ELP4: variants seen among roughly 807,000 people sequenced by gnomAD.
ELP4 encodes the protein elongator complex protein 4.
Under a neutral mutation model 48.9 loss-of-function variants are expected in ELP4, and 51 were observed. The ratio of observed to expected loss-of-function variants is 1.04; its 90% CI spans 0.83 to 1.32. ELP4 has a LOEUF of 1.32. Ranked by LOEUF, ELP4 falls within the 40% of genes most tolerant of loss-of-function variation. The pLI, the probability that ELP4 is intolerant of heterozygous loss-of-function variation, is 0.00. For missense variants in ELP4, 519 were observed against 514.6 expected (o/e 1.01, Z -0.08); for synonymous variants, 210 against 189.2 (o/e 1.11, Z -0.90).
At chr11:31,606,097 G>T (rs755223603) in intron 5 of ELP4, among the ~76,000 whole-genome samples, 8 of 151,930 alleles carry the variant, frequency 5.3e-5, no homozygotes, top group Non-Finnish European at 8.8e-5. Flanking sequence ...TAGCAGTTTC[G>T]CACAGAATAG....
chr11:31,697,850 TGAA>T (rs1179376177), intron 9 of ELP4, among the ~76,000 whole-genome samples: 1 of 152,034 alleles, frequency 6.6e-6, no homozygotes, highest in Non-Finnish European at 1.5e-5. Context: ...ATGTAAGAGA[TGAA>T]GAAGAGAATT....
intron 9 of ELP4, among the ~76,000 whole-genome samples, chr11:31,706,447 A>G (rs1946634327): frequency 6.7e-6 from 1 of 148,736 alleles, no homozygotes; most frequent in South Asian, 2.1e-4. Context: ...CCTAGTCTAT[A>G]TAGTGAGACC....
At chr11:31,566,548 G>T (rs905939344) in intron 3 of ELP4, among the ~76,000 whole-genome samples, 1 of 152,004 alleles carries the variant, frequency 6.6e-6, no homozygotes, top group East Asian at 1.9e-4. Flanking sequence ...ATAGGTCTTC[G>T]CTGGTTAACT....
intron 7 of ELP4, among the ~76,000 whole-genome samples, chr11:31,644,523 A>G (rs1021871623): frequency 3.3e-5 from 5 of 151,770 alleles, no homozygotes; most frequent in Non-Finnish European, 7.4e-5. Context: ...CATTATGCTA[A>G]AGCTTTCTGA....
rs140767024 is a variant in ELP4 at position 31,740,919 on chromosome 11, C to T, written c.1144-42474C>T. 2.6e-5 allele frequency among the ~76,000 whole-genome samples: 4 copies of T among 152,316 alleles called. 1 individual carries two copies. Among genetic ancestry groups the T allele is most frequent in the African/African-American group, 2.4e-5 (1 of 41,562 alleles). On this transcript the variant is annotated intron_variant, in intron 9 of 9. Transcript: ENST00000640961. ...AGGACAGTGGGTGCAGCGCACCGTG[C>T]GTGAGCCGAAGCAGGGCGAGGCATC...
At chr11:31,538,253 T>C (rs1956535002) in intron 2 of ELP4, among the ~76,000 whole-genome samples, 1 of 148,984 alleles carries the variant, frequency 6.7e-6, no homozygotes, top group African/African-American at 2.4e-5. Context: ...TGATATATAT[T>C]ACTATATAAA....
intron 9 of ELP4, among the ~76,000 whole-genome samples, chr11:31,754,748 T>A (rs1022836500): frequency 2.6e-5 from 4 of 152,128 alleles, no homozygotes; most frequent in Non-Finnish European, 5.9e-5. Flanking sequence ...GGCGGGCACC[T>A]GTAATCCCAG....
intron 9 of ELP4, among the ~76,000 whole-genome samples, chr11:31,714,160 A>G (rs1228568256): frequency 6.6e-6 from 1 of 152,168 alleles, no homozygotes. Context: ...GGGATTTCAG[A>G]GCCAGGCAAT....
chr11:31,674,467 T>C (rs1218560859), intron 9 of ELP4, among the ~76,000 whole-genome samples: 1 of 152,198 alleles, frequency 6.6e-6, no homozygotes, highest in Non-Finnish European at 1.5e-5. Context: ...TTGACACATT[T>C]TGTTAAATAA....
chr11:31,512,922 G>A lies in ELP4; in HGVS notation c.223+2915G>A, dbSNP rs532552543. 2.6e-4 allele frequency among the ~76,000 whole-genome samples: 39 copies of A among 151,952 alleles called. No homozygotes were observed. In the South Asian group the frequency reaches 4.0e-3, roughly 15 times the overall value. Reference sequence around the variant, plus strand: ...CTCCAGAAAAATGCTTAAAGGAAGGGTAACTGCAGATTTGACCTCTGTGCT... The same window carrying A: ...CTCCAGAAAAATGCTTAAAGGAAGGATAACTGCAGATTTGACCTCTGTGCT... On this transcript the variant is annotated intron_variant, in intron 1 of 9. Coordinates refer to ENST00000640961, the MANE Select transcript of ELP4 (RefSeq NM_019040.5).
At chr11:31,599,520 CACAAAA>C (rs760379334) in intron 4 of ELP4, 7 of 17,846 alleles carry the variant, frequency 3.9e-4, no homozygotes, top group African/African-American at 6.1e-4. Flanking sequence ...CACACACACA[CACAAAA>C]AAAAAAAACC....
At chr11:31,735,290 TATAAG>T (rs1333209414) in intron 9 of ELP4, among the ~76,000 whole-genome samples, 4 of 151,182 alleles carry the variant, frequency 2.6e-5, no homozygotes, top group African/African-American at 7.3e-5. Flanking sequence ...TAGAAGAAAA[TATAAG>T]AGAAAAGCTG....
At chr11:31,554,249 G>A (rs929770083) in intron 3 of ELP4, among the ~76,000 whole-genome samples, 2 of 152,090 alleles carry the variant, frequency 1.3e-5, no homozygotes, top group African/African-American at 2.4e-5. Context: ...GAAACCATCC[G>A]AGTCTGTGGA....
chr11:31,695,133 T>C (rs914700585), intron 9 of ELP4, among the ~76,000 whole-genome samples: 3 of 152,280 alleles, frequency 2.0e-5, no homozygotes, highest in African/African-American at 2.4e-5. Flanking sequence ...CTCTTCCTGA[T>C]TGAATACCCT....
chr11:31,515,925 A>G (rs1340459886), intron 1 of ELP4, among the ~76,000 whole-genome samples: 1 of 152,170 alleles, frequency 6.6e-6, no homozygotes, highest in Non-Finnish European at 1.5e-5. Context: ...CCTGGCTAAC[A>G]CGGTGAAACC....
intron 9 of ELP4, among the ~76,000 whole-genome samples, chr11:31,754,157 C>G (rs1319328064): frequency 6.6e-6 from 1 of 152,194 alleles, no homozygotes; most frequent in Non-Finnish European, 1.5e-5. Context: ...TCATCCACTT[C>G]TCACAAAGGC....
chr11:31,575,896 A>G (rs1167922391), intron 3 of ELP4, among the ~76,000 whole-genome samples: 1 of 152,192 alleles, frequency 6.6e-6, no homozygotes, highest in Non-Finnish European at 1.5e-5. Context: ...CGAGCAAAAT[A>G]ATGAGCTAAC....
chr11:31,681,319 G>A (rs527363925), intron 9 of ELP4, among the ~76,000 whole-genome samples: 4 of 152,174 alleles, frequency 2.6e-5, no homozygotes, highest in Non-Finnish European at 2.9e-5. Context: ...GATTTGTTAC[G>A]TGCCCAAGCT....
At chr11:31,657,598 G>A (rs915775139) in intron 9 of ELP4, among the ~76,000 whole-genome samples, 1 of 151,842 alleles carries the variant, frequency 6.6e-6, no homozygotes, top group Non-Finnish European at 1.5e-5. Flanking sequence ...CATATATTTG[G>A]TATCTACTTT....
Sources: gnomAD v4.1 joint callset for allele counts (sites outside exome capture counted in the v4.1 genomes callset) on GRCh38, gnomAD v4.1.1 for gene constraint, MANE v1.5 for transcripts, NCBI Gene and HGNC (gene_info 2026-07-23, HGNC 2026-07-21) for gene names.